The following PARD3B variants were observed in gnomAD, a reference collection of about 807,000 sequenced individuals.
PARD3B encodes partitioning defective 3 homolog B.
PARD3B carries 103 observed loss-of-function variants against 130.2 expected under a neutral mutation model. The ratio of observed to expected loss-of-function variants is 0.79; its 90% CI spans 0.67 to 0.93. PARD3B has a LOEUF of 0.93. Among genes scored for constraint, PARD3B ranks in the 40% least tolerant of loss-of-function variants. The pLI is 0.00. For missense variants in PARD3B, 1,609 were observed against 1,499.2 expected (o/e 1.07, Z -1.21); for synonymous variants, 583 against 553.2 (o/e 1.05, Z -0.76).
In PARD3B at chr2:204,929,676, T is replaced by C. The variant is rs577156256; in HGVS notation, c.223-35476T>C. Among the ~76,000 whole-genome samples, 6 of 152,148 alleles carry C rather than the reference T, an allele frequency of 3.9e-5. No individual in the cohort carries two copies. The South Asian group carries it at 1.2e-3, about 32-fold the overall frequency. ...AGGTGATCAACCAAGTGAGAAGCTT[T>C]TATAAATGTGTTGGTTCTTCTCTGA... On this transcript the variant is annotated intron_variant, in intron 2 of 22. Transcript: ENST00000406610.
intron 21 of PARD3B, among the ~76,000 whole-genome samples, chr2:205,539,053 A>G (rs536423237): frequency 1.2e-4 from 19 of 152,282 alleles, no homozygotes; most frequent in African/African-American, 4.6e-4. Flanking sequence ...CCCAACCACT[A>G]TGGCACACTG....
Position 205,146,945 on chromosome 2 carries a change from A to G in PARD3B, c.1435-11777A>G, listed in dbSNP as rs2033410549. Among the ~76,000 whole-genome samples, 1 of 151,896 alleles carries G rather than the reference A, an allele frequency of 6.6e-6. No individual in the cohort carries two copies. Among genetic ancestry groups the G allele is most frequent in the Non-Finnish European group, 1.5e-5 (1 of 67,992 alleles). On this transcript the variant is annotated intron_variant, in intron 10 of 22. Coordinates refer to ENST00000406610, the MANE Select transcript of PARD3B (RefSeq NM_001302769.2). This position sits in a 1 kb window ranked among gnomAD's most constrained non-coding sequence, Gnocchi z 4.3. ...TGGCCAGGCTGGTCTCGAACTCCTGACCTCAAGTGTTCTGCCTGCCTTGGC... is the reference window on the plus strand; with the variant it reads ...TGGCCAGGCTGGTCTCGAACTCCTGGCCTCAAGTGTTCTGCCTGCCTTGGC...
intron 2 of PARD3B, among the ~76,000 whole-genome samples, chr2:204,688,189 A>G (rs115973966): frequency 0.02 from 3,024 of 152,242 alleles, 52 homozygotes; most frequent in Middle Eastern, 0.071. Flanking sequence ...GTACTTCAAT[A>G]TTTCTACATG....
chr2:204,919,227 A>T (rs896669033), intron 2 of PARD3B, among the ~76,000 whole-genome samples: 16 of 152,190 alleles, frequency 1.1e-4, no homozygotes, highest in African/African-American at 3.9e-4. Context: ...TATCATTAGC[A>T]AGAGTTTCAT....
intron 1 of PARD3B, among the ~76,000 whole-genome samples, chr2:204,607,178 T>C (rs535509497): frequency 6.6e-6 from 1 of 152,312 alleles, no homozygotes; most frequent in Admixed American, 6.5e-5. Flanking sequence ...AAATATATGA[T>C]AATATTCAGT....
At chr2:205,387,234 A>AATG (rs2045693283) in intron 18 of PARD3B, among the ~76,000 whole-genome samples, 1 of 152,182 alleles carries the variant, frequency 6.6e-6, no homozygotes, top group Non-Finnish European at 1.5e-5. Context: ...GCAAGACATT[A>AATG]ATGAAATTGC....
chr2:205,115,695 G>A (rs1170046642), intron 6 of PARD3B, among the ~76,000 whole-genome samples: 3 of 152,094 alleles, frequency 2.0e-5, no homozygotes, highest in East Asian at 1.9e-4. Context: ...GAAACAGCAC[G>A]CTTAACTCAA....
chr2:205,047,958 A>G (rs1198258523), intron 4 of PARD3B: 2 of 265,630 alleles, frequency 7.5e-6, no homozygotes, highest in Non-Finnish European at 1.4e-5. Context: ...CAAGGTAAGC[A>G]CATGTTTTTA....
Position 205,411,103 on chromosome 2 carries a change from T to C in PARD3B, c.2741+9980T>C, listed in dbSNP as rs1011881834. On this transcript the variant is annotated intron_variant, in intron 19 of 22. Transcript: ENST00000406610. ...TTTAGTTACCATACTATGGGGGAAGTGCTACTGGAATCTAGTAGGTAGAAC... is the reference window on the plus strand; with the variant it reads ...TTTAGTTACCATACTATGGGGGAAGCGCTACTGGAATCTAGTAGGTAGAAC... 2.0e-5 allele frequency among the ~76,000 whole-genome samples: 3 copies of C among 152,188 alleles called. No individual in the cohort carries two copies. The East Asian group carries it at 5.8e-4, about 29-fold the overall frequency.
intron 14 of PARD3B, among the ~76,000 whole-genome samples, chr2:205,191,288 G>A (rs62172735): frequency 0.22 from 33,030 of 151,952 alleles, 4,309 homozygotes; most frequent in Middle Eastern, 0.3. Flanking sequence ...AATATATAAC[G>A]TAACTTACGT....
chr2:205,380,838 T>TTATATATAATATAAAGAATACATTATA (rs531785501), intron 18 of PARD3B, among the ~76,000 whole-genome samples: 2 of 92,908 alleles, frequency 2.2e-5, no homozygotes, highest in African/African-American at 4.6e-5. Flanking sequence ...AAAGAATACA[T>TTATATATAATATAAAGAATACATTATA]TATAATATAA....
At chr2:204,981,399 A>G (rs1320247884) in intron 3 of PARD3B, among the ~76,000 whole-genome samples, 1 of 152,224 alleles carries the variant, frequency 6.6e-6, no homozygotes, top group Non-Finnish European at 1.5e-5. Context: ...AAACTATTAC[A>G]ATAGCAATAG....
At chr2:205,002,012 C>T (rs961804302) in intron 3 of PARD3B, among the ~76,000 whole-genome samples, 25 of 151,988 alleles carry the variant, frequency 1.6e-4, no homozygotes, top group Admixed American at 6.5e-4. Flanking sequence ...TGAGAATTTC[C>T]CCCTAAACAA....
intron 1 of PARD3B, among the ~76,000 whole-genome samples, chr2:204,575,931 A>G (rs1050374224): frequency 6.6e-6 from 1 of 152,106 alleles, no homozygotes; most frequent in African/African-American, 2.4e-5. Flanking sequence ...TGCCCTTGCT[A>G]TGGGGAGCCT....
At chr2:205,472,910 A>T (rs1011851091) in intron 20 of PARD3B, among the ~76,000 whole-genome samples, 1 of 152,174 alleles carries the variant, frequency 6.6e-6, no homozygotes, top group Non-Finnish European at 1.5e-5. Flanking sequence ...ATGAGTAGTC[A>T]CTTGGATTAC....
chr2:205,233,851 G>C (rs1284279491), intron 15 of PARD3B, among the ~76,000 whole-genome samples: 1 of 152,092 alleles, frequency 6.6e-6, no homozygotes, highest in Admixed American at 6.5e-5. Flanking sequence ...ACAACAGAAT[G>C]GTTATGTAGT....
At chr2:204,723,564 T>C (rs1321786989) in intron 2 of PARD3B, among the ~76,000 whole-genome samples, 1 of 152,196 alleles carries the variant, frequency 6.6e-6, no homozygotes, top group East Asian at 1.9e-4. Context: ...GTTCCTTTGT[T>C]CTGTGTTTAC....
At chr2:205,410,526 C>G (rs1181460687) in intron 19 of PARD3B, among the ~76,000 whole-genome samples, 13 of 152,030 alleles carry the variant, frequency 8.6e-5, no homozygotes, top group Non-Finnish European at 1.0e-4. Context: ...CCCCAGTTTC[C>G]TACATTTTGT....
In PARD3B at chr2:205,206,449, G is replaced by A. The variant is rs189322716; in HGVS notation, c.2140+13129G>A. On this transcript the variant is annotated intron_variant, in intron 15 of 22. Transcript: ENST00000406610. Reference sequence around the variant, plus strand: ...ATCTCATTGTTCAAGTCCCACCTATGAGTGAGAATATGTGGTGTTTGGTTT... The same window carrying A: ...ATCTCATTGTTCAAGTCCCACCTATAAGTGAGAATATGTGGTGTTTGGTTT... Among the ~76,000 whole-genome samples the A allele has an allele frequency of 7.8e-3, 1,138 of 145,298 alleles. 14 individuals are homozygous for A. The highest frequency in any genetic ancestry group is 0.016 in the Middle Eastern group (4 of 252).
Sources: gnomAD v4.1 joint callset for allele counts (sites outside exome capture counted in the v4.1 genomes callset) on GRCh38, gnomAD v4.1.1 for gene constraint, Gnocchi (gnomAD v3.1) non-coding constraint, MANE v1.5 for transcripts, NCBI Gene and HGNC (gene_info 2026-07-23, HGNC 2026-07-21) for gene names.